SNX17: variants seen among roughly 807,000 people sequenced by gnomAD.
SNX17 encodes sorting nexin 17.
SNX17 carries 35 observed loss-of-function variants against 64.3 expected under a neutral mutation model. The observed-to-expected ratio is 0.54, with a 90% CI of 0.42 to 0.72. SNX17 has a LOEUF of 0.72. Among genes scored for constraint, SNX17 ranks in the 30% least tolerant of loss-of-function variants. SNX17 has a pLI of 0.00. For missense variants in SNX17, 538 were observed against 610.0 expected (o/e 0.88, Z 1.24); for synonymous variants, 259 against 230.2 (o/e 1.13, Z -1.13).
chr2:27,371,533 A>G, intron 2 of SNX17, 190 bp downstream of exon 2: 1 of 1,203,336 alleles, frequency 8.3e-7, no homozygotes, highest in South Asian at 1.8e-5. Context: ...ATGTCCGCGC[A>G]ACAACTGCTC....
At chr2:27,376,216 G>A in intron 12 of SNX17, 33 bp downstream of exon 12, 2 of 1,613,252 alleles carry the variant, frequency 1.2e-6, no homozygotes, top group Non-Finnish European at 1.7e-6. Flanking sequence ...GCAGTGAGCA[G>A]GTGTGCTCCC....
At chr2:27,374,505 G>A in intron 7 of SNX17, 72 bp downstream of exon 7, 1 of 1,438,368 alleles carries the variant, frequency 7.0e-7, no homozygotes, top group Non-Finnish European at 9.8e-7. Flanking sequence ...CACATATTGA[G>A]ACAGAATAAT....
At chr2:27,371,852 A>G (rs1404333270) in intron 2 of SNX17, among the ~76,000 whole-genome samples, 2 of 152,200 alleles carry the variant, frequency 1.3e-5, no homozygotes, top group African/African-American at 2.4e-5. Flanking sequence ...GTAGAGCTCC[A>G]CTGATAATTA....
intron 4 of SNX17, 49 bp downstream of exon 4, chr2:27,373,360 G>C: frequency 6.3e-7 from 1 of 1,592,192 alleles, no homozygotes; most frequent in South Asian, 1.1e-5. Context: ...CTTGCTGGAA[G>C]GTCATGTCTT....
chr2:27,372,701 G>A lies in SNX17; in HGVS notation c.217G>A (p.Glu73Lys). ...KLFSLTPAEV[E>K]QRREQLEKYM... ...TTTCTCTCTGACTCCTGCTGAGGTAGAACAGAGGAGAGAGCAGTTAGAGAA... is the reference window on the plus strand; with the variant it reads ...TTTCTCTCTGACTCCTGCTGAGGTAAAACAGAGGAGAGAGCAGTTAGAGAA... Residue 73 changes from glutamate (E) to lysine (K), a missense_variant, in exon 3 of 15, where the codon GAA (glutamate) becomes AAA (lysine). Coordinates refer to ENST00000233575, the MANE Select transcript of SNX17 (RefSeq NM_014748.4). The A allele has an allele frequency of 6.2e-7, 1 of 1,614,220 alleles. No individual in the cohort carries two copies. Among genetic ancestry groups the A allele is most frequent in the Non-Finnish European group, 8.5e-7 (1 of 1,180,024 alleles).
Position 27,370,772 on chromosome 2 carries a change from C to T in SNX17, c.29C>T (p.Ser10Phe). 18 of 1,548,062 alleles carry T rather than the reference C, an allele frequency of 1.2e-5. No individual in the cohort carries two copies. The highest frequency in any genetic ancestry group is 1.6e-5 in the Non-Finnish European group (18 of 1,146,582). MHFSIPETE[S>F]RSGDSGGSAY... The stretch of plus-strand genomic sequence containing the variant: ...CACTTTTCCATTCCCGAAACCGAGT[C>T]CCGCAGCGGGGACAGCGGCGGCTCC... Residue 10 changes from serine to phenylalanine, a missense_variant, in exon 1 of 15, where the codon TCC becomes TTC. By Grantham distance (155) the Ser-to-Phe change is radical. Transcript: ENST00000233575.
At position 27,373,903 on chromosome 2, in the gene SNX17, C is replaced by A; in HGVS notation, c.364C>A (p.Leu122Met). ...CACAGAGGAAGTGTCCTTGGAAGTG[C>A]TGCTCAGCAACGGGCAGAAAGTTCT... ...VPTEEVSLEV[L>M]LSNGQKVLVN... The change falls in exon 5 of 15, where the codon CTG (leucine) becomes ATG (methionine). Residue 122 changes from leucine to methionine, a missense_variant. This residue lies in a region of SNX17 where 505 missense variants were observed against 550.4 expected (regional missense o/e 0.92). Transcript: ENST00000233575. The A allele has an allele frequency of 1.9e-6, 3 of 1,614,146 alleles. No individual in the cohort carries two copies. The Admixed American group carries it at 5.0e-5, about 27-fold the overall frequency.
At position 27,370,739 on chromosome 2, in the gene SNX17, G is replaced by A; in HGVS notation, c.-5G>A. The A allele has an allele frequency of 6.5e-7, 1 of 1,548,542 alleles. No homozygotes were observed. Among genetic ancestry groups the A allele is most frequent in the Non-Finnish European group, 8.7e-7 (1 of 1,145,862 alleles). On this transcript the variant is annotated 5_prime_UTR_variant, in exon 1 of 15. Transcript: ENST00000233575. ...GGAGCCCGGCCGTGCCGTGCCGTAGGGAACATGCACTTTTCCATTCCCGAA... is the reference window on the plus strand; with the variant it reads ...GGAGCCCGGCCGTGCCGTGCCGTAGAGAACATGCACTTTTCCATTCCCGAA...
Position 27,376,507 on chromosome 2 carries a change from T to C in SNX17, c.1286T>C (p.Met429Thr), listed in dbSNP as rs770830246. ...LESPDATRES[M>T]VKLSSKLSAV... Reference sequence around the variant, plus strand: ...TCACCTGATGCCACCCGGGAGTCTATGGTCAAACTCTCAGTGAGTTCCAGC... The same window carrying C: ...TCACCTGATGCCACCCGGGAGTCTACGGTCAAACTCTCAGTGAGTTCCAGC... The change falls in exon 14 of 15, where the codon ATG becomes ACG. Residue 429 changes from methionine to threonine, a missense_variant. This residue lies in a region of SNX17 where 505 missense variants were observed against 550.4 expected (regional missense o/e 0.92). Transcript: ENST00000233575. 65 of 1,614,032 alleles carry C rather than the reference T, an allele frequency of 4.0e-5. No individual in the cohort carries two copies. The highest frequency in any genetic ancestry group is 4.8e-5 in the Non-Finnish European group (57 of 1,180,040).
At position 27,374,895 on chromosome 2, in the gene SNX17, AT is replaced by A. The variant is rs1266364054; in HGVS notation, c.681+138del. ...GAATACTATCAGTGCTGCTGGCACA[AT>A]ATCTACTCTCCCTACTTTTATTAAG... is the stretch of plus-strand genomic sequence containing the variant. On this transcript the variant is annotated intron_variant, in intron 8 of 14. Transcript: ENST00000233575. 5.1e-6 allele frequency: 5 copies of A among 975,038 alleles called. No homozygotes were observed. The Admixed American group carries it at 9.9e-5, about 19-fold the overall frequency. The allele number at this position is 975,038 out of a possible 1,614,324, so 60.4% of individuals were successfully genotyped here. A position where few individuals can be genotyped will look rare whatever the true frequency, so the allele number is the denominator to read the frequency against.
intron 2 of SNX17, 84 bp from the exon 3 acceptor site, chr2:27,372,539 C>T: frequency 6.3e-7 from 1 of 1,599,990 alleles, no homozygotes. Flanking sequence ...GAGGGGCACC[C>T]AAGAGAACAT....
rs140041696 is a variant in SNX17, at chr2:27,373,858, C to T, written c.322-3C>T. 4.3e-6 allele frequency: 7 copies of T among 1,609,940 alleles called. No individual in the cohort carries two copies. The highest frequency in any genetic ancestry group is 5.9e-6 in the Non-Finnish European group (7 of 1,177,356). On this transcript the variant is annotated splice_polypyrimidine_tract_variant and splice_region_variant and intron_variant, in intron 4 of 14. Transcript: ENST00000233575. ...TTCCCATCCCCATGTGTGCTCACAA[C>T]AGGAGACACAGCAGGTCCCCACAGA...
At chr2:27,373,191 TG>T in intron 3 of SNX17, 55 bp from the exon 4 acceptor site, 1 of 1,611,802 alleles carries the variant, frequency 6.2e-7, no homozygotes, top group Non-Finnish European at 8.5e-7. Flanking sequence ...AGAGGAGGAC[TG>T]GGGAGCCAAG....
rs949818559 is a variant in SNX17, at chr2:27,377,293, G to T, written c.*574G>T. Reference sequence around the variant, plus strand: ...AATAAGTTAAATAAACAGGTGGGAGGCTGGGCAGTCCCCCAGCCGGTTTGT... The same window carrying T: ...AATAAGTTAAATAAACAGGTGGGAGTCTGGGCAGTCCCCCAGCCGGTTTGT... On this transcript the variant is annotated 3_prime_UTR_variant, in exon 15 of 15. Coordinates refer to ENST00000233575, the MANE Select transcript of SNX17 (RefSeq NM_014748.4). This position sits in a 1 kb window ranked among gnomAD's most constrained non-coding sequence, Gnocchi z 4.4. The T allele has an allele frequency of 1.9e-5, 12 of 639,050 alleles. No individual in the cohort carries two copies. The highest frequency in any genetic ancestry group is 3.4e-5 in the Non-Finnish European group (12 of 355,656). The allele number at this position is 639,050 out of a possible 1,614,324, so 39.6% of individuals were successfully genotyped here. A position where few individuals can be genotyped will look rare whatever the true frequency, so the allele number is the denominator to read the frequency against.
At position 27,376,469 on chromosome 2, in the gene SNX17, T is replaced by A. The variant is rs770123230; in HGVS notation, c.1258-10T>A. The A allele has an allele frequency of 6.2e-7, 1 of 1,614,134 alleles. No individual in the cohort carries two copies. Among genetic ancestry groups the A allele is most frequent in the Non-Finnish European group, 8.5e-7 (1 of 1,180,010 alleles). On this transcript the variant is annotated splice_polypyrimidine_tract_variant and intron_variant, in intron 13 of 14. Transcript: ENST00000233575. ...GTGAGTTTCTGACACCTCTGCCTCT[T>A]CTTCCCCAGGAGTCACCTGATGCCA...
Position 27,374,703 on chromosome 2 carries a change from C to T in SNX17, c.626C>T (p.Ala209Val). ...TGGCCTCACAGTTATTGGGACTCTG[C>T]CTATGATGACGATGTCATGGAGAAC... is the stretch of plus-strand genomic sequence containing the variant. The part of the protein sequence containing the change: ...IVLRKSYWDS[A>V]YDDDVMENRV... Residue 209 changes from alanine (A) to valine (V), a missense_variant, in exon 8 of 15, where the codon GCC (alanine) becomes GTC (valine). Around this residue, in one of 3 missense-constraint regions of SNX17, gnomAD observed 505 missense variants for 550.4 expected, o/e 0.92. Coordinates refer to ENST00000233575, the MANE Select transcript of SNX17 (RefSeq NM_014748.4). The T allele has an allele frequency of 6.2e-7, 1 of 1,614,122 alleles. No homozygotes were observed. The highest frequency in any genetic ancestry group is 1.3e-5 in the African/African-American group (1 of 75,028).
In SNX17 at chr2:27,375,465, TCTCC is replaced by T. The variant is rs773387763; in HGVS notation, c.775-36_775-33del. The stretch of plus-strand genomic sequence containing the variant: ...GGTTGCTTTTTCTGAGCTGCCCCAT[TCTCC>T]CTCCTAATCTACCCCCATGTGATGA... On this transcript the variant is annotated intron_variant, in intron 9 of 14. Coordinates refer to ENST00000233575, the MANE Select transcript of SNX17 (RefSeq NM_014748.4). The surrounding 1 kb of genome is among the most constrained non-coding windows in gnomAD (Gnocchi z 4.1). The T allele has an allele frequency of 6.2e-7, 1 of 1,610,316 alleles. No homozygotes were observed. Among genetic ancestry groups the T allele is most frequent in the Admixed American group, 1.7e-5 (1 of 60,002 alleles).
chr2:27,376,506 A>G lies in SNX17; in HGVS notation c.1285A>G (p.Met429Val), dbSNP rs371837489. ...GTCACCTGATGCCACCCGGGAGTCT[A>G]TGGTCAAACTCTCAGTGAGTTCCAG... ...LESPDATRESMVKLSSKLSAV... is the reference protein window; with the variant it reads ...LESPDATRESVVKLSSKLSAV... The change falls in exon 14 of 15, where the codon ATG (methionine) becomes GTG (valine). Residue 429 changes from methionine to valine, a missense_variant. By Grantham distance (21) the Met-to-Val change is conservative (BLOSUM62 1). Transcript: ENST00000233575. 26 of 1,613,956 alleles carry G rather than the reference A, an allele frequency of 1.6e-5. No individual in the cohort carries two copies. Among genetic ancestry groups the G allele is most frequent in the African/African-American group, 5.3e-5 (4 of 74,874 alleles).
At chr2:27,376,016 A>C in intron 11 of SNX17, 45 bp downstream of exon 11, 4 of 1,613,738 alleles carry the variant, frequency 2.5e-6, no homozygotes, top group Non-Finnish European at 2.5e-6. Flanking sequence ...CTTAAAGTGT[A>C]GAGTTTCCAG....
Sources: allele counts gnomAD v4.1 joint callset (sites outside exome capture counted in the v4.1 genomes callset), GRCh38; gene constraint gnomAD v4.1.1; regional missense constraint gnomAD v4.1.1; non-coding constraint Gnocchi (gnomAD v3.1); transcripts MANE v1.5; gene names NCBI Gene and HGNC (gene_info 2026-07-23, HGNC 2026-07-21).